Variants in NOTCH2 observed in about 807,000 individuals in gnomAD.
NOTCH2 encodes neurogenic locus notch homolog protein 2.
NOTCH2 carries 29 observed loss-of-function variants against 235.8 expected under a neutral mutation model. The observed-to-expected ratio is 0.12, with a 90% CI of 0.09 to 0.17. The LOEUF (loss-of-function observed/expected upper bound fraction) is 0.17. Among genes scored for constraint, NOTCH2 ranks in the 10% least tolerant of loss-of-function variants. The pLI is 1.00. For missense variants in NOTCH2, 2,285 were observed against 3,150.2 expected, an observed-to-expected ratio of 0.73 and a Z score of 6.57; for synonymous variants, 1,086 against 1,141.5, an observed-to-expected ratio of 0.95 and a Z score of 0.98.
At chr1:119,974,718 GC>G (rs1651501197) in intron 5 of NOTCH2, among the ~76,000 whole-genome samples, 1 of 152,100 alleles carries the variant, frequency 6.6e-6, no homozygotes, top group Non-Finnish European at 1.5e-5. Context: ...TATTCACATG[GC>G]GAGGTACCTG....
chr1:119,980,255 C>G (rs1489012151), intron 5 of NOTCH2, among the ~76,000 whole-genome samples: 2 of 152,276 alleles, frequency 1.3e-5, no homozygotes, highest in East Asian at 3.9e-4. Flanking sequence ...TATAACTTTC[C>G]CATCTTCTTC....
In NOTCH2 at chr1:119,921,803, G is replaced by C; in HGVS notation, c.5220C>G (p.Leu1740=). The C allele has an allele frequency of 3.7e-6, 6 of 1,612,022 alleles. No individual in the cohort carries two copies. In the East Asian group the frequency reaches 1.3e-4, roughly 36 times the overall value. The part of the protein sequence containing the change: ...VGQDAVGLKN[L]SVQVSEANLI... ...GGTTAGCTTCTGAGACTTGCACTGA[G>C]AGATTTCTAATATGATTATAAAAAG... The change falls in exon 29 of 34, where the codon CTC becomes CTG. Residue 1740 remains leucine (L), a synonymous_variant. Coordinates refer to ENST00000256646, the MANE Select transcript of NOTCH2 (RefSeq NM_024408.4).
In NOTCH2 at chr1:119,911,718, T is replaced by C. The variant is rs1648902068; in HGVS notation, c.*3588A>G. The C allele has an allele frequency of 4.3e-6, 1 of 233,134 alleles. No homozygotes were observed. Among genetic ancestry groups the C allele is most frequent in the Non-Finnish European group, 8.5e-6 (1 of 118,040 alleles). The allele number at this position is 233,134 out of a possible 1,614,324, so 14.4% of individuals were successfully genotyped here. On this transcript the variant is annotated 3_prime_UTR_variant, in exon 34 of 34. Coordinates refer to ENST00000256646, the MANE Select transcript of NOTCH2 (RefSeq NM_024408.4). ...CATTTACATAACAGCATAATTAATA[T>C]TATGACTTATATCCCAGTTCCCAAT...
At chr1:119,974,354 C>T (rs919330668) in intron 5 of NOTCH2, among the ~76,000 whole-genome samples, 1 of 152,160 alleles carries the variant, frequency 6.6e-6, no homozygotes, top group Admixed American at 6.5e-5. Context: ...AACATCAGGA[C>T]TGAGGCAGTG....
intron 17 of NOTCH2, 75 bp from the exon 18 acceptor site, chr1:119,941,829 C>G (rs1297440846): frequency 2.6e-6 from 3 of 1,161,254 alleles, no homozygotes; most frequent in East Asian, 2.4e-5. Flanking sequence ...AGTGAATGAC[C>G]TGAACTAAGT....
rs587635380 is a variant in NOTCH2, at chr1:119,947,436, T to C, written c.2752+978A>G. Among the ~76,000 whole-genome samples, 161 of 152,228 alleles carry C rather than the reference T, an allele frequency of 1.1e-3. No homozygotes were observed. The Middle Eastern group carries it at 0.017, about 16-fold the overall frequency. Reference sequence around the variant, plus strand: ...TGCTTAACATCATTGGCAGAGAGAATAATACAAATTAAAATCACAATGAAA... The same window carrying C: ...TGCTTAACATCATTGGCAGAGAGAACAATACAAATTAAAATCACAATGAAA... On this transcript the variant is annotated intron_variant, in intron 17 of 33. Transcript: ENST00000256646.
intron 5 of NOTCH2, among the ~76,000 whole-genome samples, chr1:119,973,951 G>A (rs751421859): frequency 4.9e-4 from 75 of 151,698 alleles, no homozygotes; most frequent in Admixed American, 8.5e-4. Flanking sequence ...GTATGAATTC[G>A]GAACTTGATA....
In NOTCH2 at chr1:119,950,777, G is replaced by T. The variant is rs2101118414; in HGVS notation, c.2426C>A (p.Thr809Asn). 1 of 1,614,162 alleles carries T rather than the reference G, an allele frequency of 6.2e-7. No homozygotes were observed. The highest frequency in any genetic ancestry group is 2.2e-5 in the East Asian group (1 of 44,884). Residue 809 changes from threonine (T) to asparagine (N), a missense_variant, in exon 15 of 34, where the codon ACC (threonine) becomes AAC (asparagine). Around this residue, in one of 6 missense-constraint regions of NOTCH2, gnomAD observed 1,173 missense variants for 1,515.3 expected, o/e 0.77. Coordinates refer to ENST00000256646, the MANE Select transcript of NOTCH2 (RefSeq NM_024408.4). ...CASNPCLNQG[T>N]CFDDISGYTC... ...GTAGCCACTTATGTCATCAAAGCAGGTTCCTTGGTTCAGGCATGGATTTGA... is the reference window on the plus strand; with the variant it reads ...GTAGCCACTTATGTCATCAAAGCAGTTTCCTTGGTTCAGGCATGGATTTGA...
At chr1:119,974,011 G>C (rs1306158010) in intron 5 of NOTCH2, among the ~76,000 whole-genome samples, 1 of 152,182 alleles carries the variant, frequency 6.6e-6, no homozygotes, top group African/African-American at 2.4e-5. Context: ...TGTGTTTGAA[G>C]GTAAGTTGGC....
intron 24 of NOTCH2, among the ~76,000 whole-genome samples, chr1:119,926,156 C>A (rs1258754462): frequency 6.6e-6 from 1 of 152,190 alleles, no homozygotes; most frequent in African/African-American, 2.4e-5. Flanking sequence ...GTGAGATTAC[C>A]CTCCAGCCTG....
At chr1:119,986,457 C>G (rs587632906) in intron 5 of NOTCH2, among the ~76,000 whole-genome samples, 1 of 152,068 alleles carries the variant, frequency 6.6e-6, no homozygotes, top group Non-Finnish European at 1.5e-5. Context: ...ATGTAGGATG[C>G]GTATCATAAA....
intron 3 of NOTCH2, among the ~76,000 whole-genome samples, chr1:120,001,352 G>A (rs1385118954): frequency 6.6e-6 from 1 of 151,684 alleles, no homozygotes; most frequent in African/African-American, 2.4e-5. Context: ...ACCCAGGTTG[G>A]ATGACCGATT....
chr1:119,918,463 C>G lies in NOTCH2; in HGVS notation c.5872G>C (p.Gly1958Arg). 1.9e-6 allele frequency: 3 copies of G among 1,614,178 alleles called. No individual in the cohort carries two copies. Among genetic ancestry groups the G allele is most frequent in the Non-Finnish European group, 2.5e-6 (3 of 1,180,032 alleles). The change falls in exon 32 of 34, where the codon GGA (glycine) becomes CGA (arginine). Residue 1958 changes from glycine to arginine, a missense_variant. This residue lies in a region of NOTCH2 where 128 missense variants were observed against 255.9 expected (regional missense o/e 0.50). Coordinates refer to ENST00000256646, the MANE Select transcript of NOTCH2 (RefSeq NM_024408.4). Reference sequence around the variant, plus strand: ...CAGTTGATCAGTTCTGCCACCATTCCCTCCACAGCCAGGCGGGCAGCCAGG... The same window carrying G: ...CAGTTGATCAGTTCTGCCACCATTCGCTCCACAGCCAGGCGGGCAGCCAGG... ...LILAARLAVE[G>R]MVAELINCQA...
At chr1:119,949,860 C>T (rs587639849) in intron 15 of NOTCH2, among the ~76,000 whole-genome samples, 2 of 152,244 alleles carry the variant, frequency 1.3e-5, no homozygotes, top group Admixed American at 1.3e-4. Flanking sequence ...GACTGCATGC[C>T]GCAACCTGAT....
At position 119,940,717 on chromosome 1, in the gene NOTCH2, G is replaced by A. The variant is rs1553196352; in HGVS notation, c.3021C>T (p.Asn1007=). The A allele has an allele frequency of 6.2e-7, 1 of 1,614,060 alleles. No individual in the cohort carries two copies. The highest frequency in any genetic ancestry group is 1.3e-5 in the African/African-American group (1 of 74,912). Residue 1007 remains asparagine (N), a synonymous_variant, in exon 19 of 34, where the codon AAC becomes AAT. Transcript: ENST00000256646. ...CCACAGGGCACAAGCAAGAGAAGGAGTTAATCCCATCAACACATGTGCCAC... is the reference window on the plus strand; with the variant it reads ...CCACAGGGCACAAGCAAGAGAAGGAATTAATCCCATCAACACATGTGCCAC... ...FNGGTCVDGI[N]SFSCLCPVGF...
chr1:119,927,683 A>C (rs1447960558), intron 23 of NOTCH2, among the ~76,000 whole-genome samples: 1 of 152,204 alleles, frequency 6.6e-6, no homozygotes, highest in Non-Finnish European at 1.5e-5. Flanking sequence ...GGGGCAATGA[A>C]AGAAACAGGA....
chr1:120,065,121 G>A (rs1272137048), intron 1 of NOTCH2, among the ~76,000 whole-genome samples: 1 of 152,062 alleles, frequency 6.6e-6, no homozygotes, highest in Non-Finnish European at 1.5e-5. Flanking sequence ...AAGAAAGAAA[G>A]AAACCCCACA....
In NOTCH2 at chr1:119,948,766, C is replaced by T. The variant is rs376140674; in HGVS notation, c.2600-200G>A. Reference sequence around the variant, plus strand: ...GTGCTTAAACTCCCTGAAGAATGAACATCATGGCTTGTGAGGCTTAGGTTG... The same window carrying T: ...GTGCTTAAACTCCCTGAAGAATGAATATCATGGCTTGTGAGGCTTAGGTTG... On this transcript the variant is annotated intron_variant, in intron 16 of 33. Coordinates refer to ENST00000256646, the MANE Select transcript of NOTCH2 (RefSeq NM_024408.4). 5.3e-5 allele frequency among the ~76,000 whole-genome samples: 8 copies of T among 152,158 alleles called. No individual in the cohort carries two copies. In the East Asian group the frequency reaches 5.8e-4, roughly 11 times the overall value.
chr1:119,919,200 TA>T (rs1649189083), intron 31 of NOTCH2, 111 bp downstream of exon 31: 5 of 1,214,400 alleles, frequency 4.1e-6, no homozygotes, highest in Admixed American at 1.9e-5. Flanking sequence ...ATACCTGCCC[TA>T]ATCTCTCAAA....
Sources: allele counts gnomAD v4.1 joint callset (sites outside exome capture counted in the v4.1 genomes callset), GRCh38; gene constraint gnomAD v4.1.1; regional missense constraint gnomAD v4.1.1; transcripts MANE v1.5; gene names NCBI Gene and HGNC (gene_info 2026-07-23, HGNC 2026-07-21).